ECHDC2: variants seen among roughly 807,000 people sequenced by gnomAD.
ECHDC2 encodes the protein enoyl-CoA hydratase domain containing 2, also known as enoyl-CoA hydratase domain-containing protein 2, mitochondrial.
A neutral mutation model predicts 40.6 loss-of-function variants in ECHDC2; 34 were observed. That is an observed-to-expected ratio of 0.84 (90% CI 0.64 to 1.11). The LOEUF (loss-of-function observed/expected upper bound fraction) is 1.11, where lower values mean the gene tolerates loss of function less well. ECHDC2 is among the 50% of genes most tolerant of loss of function. The pLI is 0.00. For missense variants in ECHDC2, 392 were observed against 400.7 expected (o/e 0.98, Z 0.19); for synonymous variants, 162 against 166.6 (o/e 0.97, Z 0.21).
intron 9 of ECHDC2, 55 bp downstream of exon 9, chr1:52,897,382 C>T (rs1646703811): frequency 6.3e-7 from 1 of 1,586,386 alleles, no homozygotes. Flanking sequence ...TACAAAGTCC[C>T]TCTAGCCTGG....
chr1:52,906,374 C>T (rs929658684), intron 5 of ECHDC2, 145 bp downstream of exon 5: 4 of 745,524 alleles, frequency 5.4e-6, no homozygotes, highest in Middle Eastern at 2.3e-4. Context: ...TCTGCCTGAG[C>T]ACCCTCTGTG....
At chr1:52,908,578 G>A (rs1270802210) in intron 3 of ECHDC2, among the ~76,000 whole-genome samples, 1 of 152,012 alleles carries the variant, frequency 6.6e-6, no homozygotes, top group Non-Finnish European at 1.5e-5. Context: ...ATCTGATAAA[G>A]GTTTAATATC....
chr1:52,899,253 G>C, intron 7 of ECHDC2, 29 bp from the exon 8 acceptor site: 1 of 1,612,652 alleles, frequency 6.2e-7, no homozygotes, highest in Non-Finnish European at 8.5e-7. Context: ...TCTTGGTTGA[G>C]GAGGGCATCA....
intron 3 of ECHDC2, 46 bp downstream of exon 3, chr1:52,911,520 G>A (rs1649480716): frequency 1.3e-6 from 2 of 1,587,476 alleles, no homozygotes; most frequent in South Asian, 2.2e-5. Context: ...CTGGAGGCTG[G>A]TGGGCACCCT....
Position 52,921,542 on chromosome 1 carries a change from T to A in ECHDC2, c.121+11A>T. The A allele has an allele frequency of 6.2e-7, 1 of 1,608,272 alleles. No individual in the cohort carries two copies. The highest frequency in any genetic ancestry group is 8.5e-7 in the Non-Finnish European group (1 of 1,177,980). On this transcript the variant is annotated intron_variant, in intron 1 of 9. Transcript: ENST00000371522. ...GTCGCGTCATGCGCCGCCCCGGAAC[T>A]GCACATTTACCTTGGTCCGGACCCG...
intron 1 of ECHDC2, chr1:52,920,347 CTTG>C (rs1651596986): frequency 2.0e-5 from 13 of 665,762 alleles, no homozygotes; most frequent in South Asian, 1.3e-4. Flanking sequence ...CCGCTTCAAA[CTTG>C]TTGTCAAGCC....
intron 9 of ECHDC2, chr1:52,897,162 G>T (rs1571898725): frequency 3.8e-6 from 2 of 528,960 alleles, no homozygotes; most frequent in African/African-American, 3.8e-5. Flanking sequence ...AGAGGCAAAA[G>T]ATGTGGTTCT....
intron 1 of ECHDC2, among the ~76,000 whole-genome samples, chr1:52,918,817 T>C (rs967892140): frequency 5.3e-5 from 8 of 152,104 alleles, no homozygotes; most frequent in Non-Finnish European, 1.0e-4. Context: ...ATAGAGTCTA[T>C]AGTAGTGTAC....
Position 52,907,881 on chromosome 1 carries a change from C to T in ECHDC2, c.351G>A (p.Leu117=), listed in dbSNP as rs1236829184. ...VGVFVQRLRG[L]MNDIAAFPAP... ...CCAGATCCTCACCGATGTCATTCATCAGGCCCCGGAGTCGCTGGACAAACA... is the reference window on the plus strand; with the variant it reads ...CCAGATCCTCACCGATGTCATTCATTAGGCCCCGGAGTCGCTGGACAAACA... The change falls in exon 4 of 10, where the codon CTG becomes CTA. Residue 117 remains leucine (L), a synonymous_variant. Coordinates refer to ENST00000371522, the MANE Select transcript of ECHDC2 (RefSeq NM_001198961.2). 1 of 1,606,550 alleles carries T rather than the reference C, an allele frequency of 6.2e-7. No homozygotes were observed. The highest frequency in any genetic ancestry group is 8.5e-7 in the Non-Finnish European group (1 of 1,174,666).
chr1:52,903,760 A>G (rs1374266361), intron 7 of ECHDC2, among the ~76,000 whole-genome samples: 2 of 150,966 alleles, frequency 1.3e-5, no homozygotes, highest in Non-Finnish European at 3.0e-5. Flanking sequence ...GCGAGACCCT[A>G]TCTCTTCAAA....
At chr1:52,909,927 G>A (rs1648978586) in intron 3 of ECHDC2, among the ~76,000 whole-genome samples, 1 of 152,176 alleles carries the variant, frequency 6.6e-6, no homozygotes, top group Non-Finnish European at 1.5e-5. Flanking sequence ...ATCAACAGAT[G>A]ATTGGGTAAA....
chr1:52,896,329 G>C lies in ECHDC2; in HGVS notation c.*191C>G, dbSNP rs939115814. ...TTCTAGCCAGGGTGAAGCTAAGGAA[G>C]GTAGCAGTAGGTGGTAGGATCAGCA... On this transcript the variant is annotated 3_prime_UTR_variant, in exon 10 of 10. Coordinates refer to ENST00000371522, the MANE Select transcript of ECHDC2 (RefSeq NM_001198961.2). The C allele has an allele frequency of 5.1e-6, 3 of 592,388 alleles. No homozygotes were observed. The highest frequency in any genetic ancestry group is 2.8e-5 in the Admixed American group (1 of 35,278). 36.7% of individuals were successfully genotyped at this position (592,388 alleles called of 1,614,324 possible).
chr1:52,904,525 C>G (rs1647238797), intron 7 of ECHDC2, 121 bp downstream of exon 7: 1 of 908,502 alleles, frequency 1.1e-6, no homozygotes, highest in Non-Finnish European at 1.6e-6. Context: ...TAAACAAACT[C>G]CAAAGAGGGT....
chr1:52,911,515 G>A, intron 3 of ECHDC2, 51 bp downstream of exon 3: 1 of 1,574,214 alleles, frequency 6.4e-7, no homozygotes. Flanking sequence ...AACCCCTGGA[G>A]GCTGGTGGGC....
At chr1:52,907,702 A>G (rs1253969872) in intron 4 of ECHDC2, 166 bp downstream of exon 4, 2 of 596,948 alleles carry the variant, frequency 3.4e-6, no homozygotes, top group African/African-American at 1.9e-5. Flanking sequence ...CCTCTCTGAG[A>G]GAACTGCCCT....
chr1:52,898,936 A>G, intron 8 of ECHDC2: 3 of 588,626 alleles, frequency 5.1e-6, no homozygotes, highest in Non-Finnish European at 9.1e-6. Context: ...ACCCTTTCTT[A>G]ACCTCAATCT....
intron 5 of ECHDC2, 21 bp from the exon 6 acceptor site, chr1:52,905,111 G>A: frequency 6.2e-7 from 1 of 1,613,628 alleles, no homozygotes; most frequent in East Asian, 2.2e-5. Flanking sequence ...AGAACAAAGT[G>A]AGGCCTCCCT....
rs369765278 is a variant in ECHDC2, at chr1:52,904,809, C to T, written c.539G>A (p.Cys180Tyr). The T allele has an allele frequency of 6.8e-6, 11 of 1,612,738 alleles. No homozygotes were observed. In the African/African-American group the frequency reaches 1.5e-4, roughly 22 times the overall value. ...CTCCTTCGCCAGGGCCACCCCCAGA[C>T]AACGGGGCAGCCTCTGAGTCCCTCC... ...GAGGTQRLPRCLGVALAKELI... is the reference protein window; with the variant it reads ...GAGGTQRLPRYLGVALAKELI... Residue 180 changes from cysteine (C) to tyrosine (Y), a missense_variant, in exon 7 of 10, where the codon TGT becomes TAT. Physicochemically the swap from Cys to Tyr is radical, Grantham distance 194. Coordinates refer to ENST00000371522, the MANE Select transcript of ECHDC2 (RefSeq NM_001198961.2).
chr1:52,918,257 T>C (rs1192099852), intron 1 of ECHDC2, among the ~76,000 whole-genome samples: 1 of 151,476 alleles, frequency 6.6e-6, no homozygotes, highest in African/African-American at 2.4e-5. Flanking sequence ...ACTCCTGGGC[T>C]CAAGCAATCT....
Sources: gnomAD v4.1 joint callset for allele counts (sites outside exome capture counted in the v4.1 genomes callset) on GRCh38, gnomAD v4.1.1 for gene constraint, MANE v1.5 for transcripts, NCBI Gene and HGNC (gene_info 2026-07-23, HGNC 2026-07-21) for gene names.